Variants in KIFC3 observed in about 807,000 individuals in gnomAD.
The protein encoded by KIFC3 is kinesin family member C3, also known as kinesin-like protein KIFC3.
In KIFC3, 60 loss-of-function variants were observed where a neutral mutation model predicts 101.8. That is an observed-to-expected ratio of 0.59 (90% CI 0.48 to 0.73). The LOEUF (loss-of-function observed/expected upper bound fraction) is 0.73. Among genes scored for constraint, KIFC3 ranks in the 30% least tolerant of loss-of-function variants. The pLI, the probability that KIFC3 is intolerant of heterozygous loss-of-function variation, is 0.00. For missense variants in KIFC3, 966 were observed against 1,137.1 expected (o/e 0.85, Z 2.16); for synonymous variants, 476 against 482.7 (o/e 0.99, Z 0.18).
intron 1 of KIFC3, among the ~76,000 whole-genome samples, chr16:57,847,850 A>G (rs563148289): frequency 6.8e-6 from 1 of 146,880 alleles, no homozygotes; most frequent in Admixed American, 6.9e-5. Flanking sequence ...CAGTGGCACA[A>G]TCTCAGCTCG....
At chr16:57,820,364 C>T (rs2055323112) in intron 1 of KIFC3, among the ~76,000 whole-genome samples, 1 of 152,176 alleles carries the variant, frequency 6.6e-6, no homozygotes, top group Non-Finnish European at 1.5e-5. Context: ...AGCCTCGAAT[C>T]CCTCGGCTCA....
intron 1 of KIFC3, among the ~76,000 whole-genome samples, chr16:57,830,814 T>TC (rs1255372232): frequency 2.6e-5 from 4 of 152,178 alleles, no homozygotes; most frequent in Non-Finnish European, 5.9e-5. Flanking sequence ...ATGCCAACAT[T>TC]CCCGGGGCCT....
At chr16:57,829,649 A>ATAGG (rs1555478852) in intron 1 of KIFC3, among the ~76,000 whole-genome samples, 1 of 152,210 alleles carries the variant, frequency 6.6e-6, no homozygotes, top group Non-Finnish European at 1.5e-5. Context: ...GCAGCCCTGA[A>ATAGG]TAGGTAGACC....
chr16:57,849,041 C>G (rs141602478), intron 1 of KIFC3, among the ~76,000 whole-genome samples: 7 of 152,196 alleles, frequency 4.6e-5, no homozygotes, highest in African/African-American at 1.7e-4. Flanking sequence ...CACACTTTTT[C>G]TGTGCTTTTC....
chr16:57,797,336 AC>A (rs1244577482), intron 2 of KIFC3, among the ~76,000 whole-genome samples: 1 of 152,102 alleles, frequency 6.6e-6, no homozygotes, highest in Non-Finnish European at 1.5e-5. Context: ...CCCCCACACT[AC>A]CAGGGCGACC....
chr16:57,771,637 T>C lies in KIFC3; in HGVS notation c.431A>G (p.Glu144Gly), dbSNP rs376828844. 2 of 1,613,082 alleles carry C rather than the reference T, an allele frequency of 1.2e-6. No homozygotes were observed. Among genetic ancestry groups the C allele is most frequent in the African/African-American group, 2.7e-5 (2 of 74,944 alleles). Reference sequence around the variant, plus strand: ...GCGCCGCATCTCCTGCCTCAGTCGCTCATTCTCCACCATCAGCAGGTCCCG... The same window carrying C: ...GCGCCGCATCTCCTGCCTCAGTCGCCCATTCTCCACCATCAGCAGGTCCCG... The part of the protein sequence containing the change: ...KHRDLLMVEN[E>G]RLRQEMRRCE... Residue 144 changes from glutamate (E) to glycine (G), a missense_variant, in exon 5 of 20, where the codon GAG (glutamate) becomes GGG (glycine). Physicochemically the swap from Glu to Gly is moderately conservative, Grantham distance 98. Coordinates refer to ENST00000445690, the MANE Select transcript of KIFC3 (RefSeq NM_001130100.2).
At chr16:57,804,935 C>T (rs1432144328), upstream of KIFC3, among the ~76,000 whole-genome samples, 5 of 149,268 alleles carry the variant, frequency 3.3e-5, no homozygotes, top group African/African-American at 5.0e-5. Flanking sequence ...GACGGGGGCT[C>T]GCTCTGTCAC....
At chr16:57,807,438 G>T (rs1470215729), upstream of KIFC3, among the ~76,000 whole-genome samples, 2 of 152,134 alleles carry the variant, frequency 1.3e-5, no homozygotes, top group Admixed American at 6.5e-5. Flanking sequence ...AGAGGTGGTG[G>T]TCTTGGATGT....
At position 57,802,146 on chromosome 16, in the gene KIFC3, GC is replaced by G. The variant is rs1598171972; in HGVS notation, c.-40+223del. 6.6e-6 allele frequency among the ~76,000 whole-genome samples: 1 copy of G among 152,216 alleles called. No homozygotes were observed. Among genetic ancestry groups the G allele is most frequent in the African/African-American group, 2.4e-5 (1 of 41,470 alleles). On this transcript the variant is annotated intron_variant, in intron 1 of 19. Transcript: ENST00000445690. This position sits in a 1 kb window ranked among gnomAD's most constrained non-coding sequence, Gnocchi z 5.0. ...CTGCTCGGATCCCGTGGGACACGCCGCCCCTGTGCCCAGCTCCCAGCAAGGT... is the reference window on the plus strand; with the variant it reads ...CTGCTCGGATCCCGTGGGACACGCCGCCCTGTGCCCAGCTCCCAGCAAGGT...
chr16:57,793,060 G>A (rs2054008270), intron 3 of KIFC3, among the ~76,000 whole-genome samples: 1 of 151,546 alleles, frequency 6.6e-6, no homozygotes, highest in African/African-American at 2.4e-5. Flanking sequence ...GTTGAGGCGG[G>A]TAGATCACTT....
chr16:57,820,124 G>T (rs2055319041), intron 1 of KIFC3, among the ~76,000 whole-genome samples: 1 of 152,178 alleles, frequency 6.6e-6, no homozygotes, highest in East Asian at 1.9e-4. Context: ...CTGCCAAAGT[G>T]CTGGGATTAC....
chr16:57,836,218 G>A (rs561629271), intron 1 of KIFC3, among the ~76,000 whole-genome samples: 74 of 152,242 alleles, frequency 4.9e-4, no homozygotes, highest in African/African-American at 1.7e-3. Flanking sequence ...GGGGTCTAGC[G>A]ATCCTTCCAC....
At chr16:57,849,379 T>C (rs1285757280) in intron 1 of KIFC3, among the ~76,000 whole-genome samples, 1 of 152,198 alleles carries the variant, frequency 6.6e-6, no homozygotes, top group Non-Finnish European at 1.5e-5. Context: ...TCAGATCGAT[T>C]GAGACAAACT....
chr16:57,817,273 C>T (rs1026279383), intron 1 of KIFC3, among the ~76,000 whole-genome samples: 1 of 151,662 alleles, frequency 6.6e-6, no homozygotes, highest in Non-Finnish European at 1.5e-5. Context: ...GCAGGAGAAT[C>T]GTTTGAACCC....
chr16:57,817,180 G>A (rs889866381), intron 1 of KIFC3, among the ~76,000 whole-genome samples: 10 of 152,042 alleles, frequency 6.6e-5, no homozygotes, highest in African/African-American at 2.4e-4. Context: ...CCAACATGGC[G>A]AAACCCTGTC....
intron 1 of KIFC3, among the ~76,000 whole-genome samples, chr16:57,800,254 A>G (rs1046046456): frequency 6.6e-6 from 1 of 152,216 alleles, no homozygotes; most frequent in African/African-American, 2.4e-5. Context: ...TCCTTGACTT[A>G]GAACAACTAG....
intron 2 of KIFC3, among the ~76,000 whole-genome samples, chr16:57,797,539 G>A (rs1555623538): frequency 6.6e-6 from 1 of 152,220 alleles, no homozygotes; most frequent in Non-Finnish European, 1.5e-5. Context: ...CTGCCCACCT[G>A]CTGTCAGGGT....
chr16:57,817,575 C>T (rs1024696343), intron 1 of KIFC3, among the ~76,000 whole-genome samples: 2 of 152,068 alleles, frequency 1.3e-5, no homozygotes, highest in South Asian at 4.2e-4. Flanking sequence ...CAGTCTCTTT[C>T]CACCTGCACA....
At chr16:57,806,287 G>T (rs2054934229), upstream of KIFC3, among the ~76,000 whole-genome samples, 1 of 152,096 alleles carries the variant, frequency 6.6e-6, no homozygotes, top group Admixed American at 6.5e-5. Flanking sequence ...TGTCCTCCCT[G>T]CCTGGAAAGC....
Sources: allele counts gnomAD v4.1 joint callset (sites outside exome capture counted in the v4.1 genomes callset), GRCh38; gene constraint gnomAD v4.1.1; non-coding constraint Gnocchi (gnomAD v3.1); transcripts MANE v1.5; gene names NCBI Gene and HGNC (gene_info 2026-07-23, HGNC 2026-07-21).